MEI4: variants seen among roughly 807,000 people sequenced by gnomAD.
MEI4 encodes meiotic double-stranded break formation protein 4.
Under a neutral mutation model 31.4 loss-of-function variants are expected in MEI4, and 27 were observed. The ratio of observed to expected loss-of-function variants is 0.86; its 90% CI spans 0.63 to 1.19. MEI4 has a LOEUF of 1.19. MEI4 is among the 50% of genes most tolerant of loss of function. The probability of loss-of-function intolerance (pLI) is 0.00; values close to 1 mark genes in which losing one functional copy is unlikely to be tolerated. For synonymous variants in MEI4, 122 were observed against 145.4 expected, an observed-to-expected ratio of 0.84 and a Z score of 1.16; for missense variants, 329 against 398.9, an observed-to-expected ratio of 0.82 and a Z score of 1.49.
At chr6:77,698,342 G>T (rs1475332653) in intron 2 of MEI4, among the ~76,000 whole-genome samples, 2 of 152,182 alleles carry the variant, frequency 1.3e-5, no homozygotes, top group Non-Finnish European at 2.9e-5. Context: ...CTCGTTAGTT[G>T]ATGCAGTTTC....
chr6:77,899,880 T>C (rs1167758637), intron 4 of MEI4, among the ~76,000 whole-genome samples: 1 of 151,880 alleles, frequency 6.6e-6, no homozygotes, highest in Non-Finnish European at 1.5e-5. Flanking sequence ...AACATGGGTG[T>C]GTAGATGTCT....
At chr6:77,711,270 AG>A (rs889077810) in intron 2 of MEI4, among the ~76,000 whole-genome samples, 19 of 152,242 alleles carry the variant, frequency 1.2e-4, no homozygotes, top group South Asian at 6.2e-4. Flanking sequence ...TAAGTATGTG[AG>A]GTGATATATA....
At chr6:77,919,165 A>T (rs1382580138) in intron 4 of MEI4, among the ~76,000 whole-genome samples, 1 of 151,980 alleles carries the variant, frequency 6.6e-6, no homozygotes, top group African/African-American at 2.4e-5. Flanking sequence ...ACATCTACAG[A>T]ACTCTCCACC....
chr6:77,866,915 G>T (rs1459532573), intron 4 of MEI4, among the ~76,000 whole-genome samples: 2 of 152,126 alleles, frequency 1.3e-5, no homozygotes, highest in Non-Finnish European at 2.9e-5. Context: ...CAGAAATAAT[G>T]CCGCATATCT....
chr6:77,694,604 A>G (rs1224566098), intron 2 of MEI4, among the ~76,000 whole-genome samples: 3 of 152,084 alleles, frequency 2.0e-5, no homozygotes, highest in Non-Finnish European at 4.4e-5. Context: ...ATCATTTTTT[A>G]TGGCTGCATA....
chr6:77,747,520 CTCATGAGAACCCACTTAGTG>C (rs1767647423), intron 2 of MEI4, among the ~76,000 whole-genome samples: 1 of 152,076 alleles, frequency 6.6e-6, no homozygotes. Context: ...ACCATCAGAT[CTCATGAGAACCCACTTAGTG>C]TCATGAGAAC....
At chr6:77,871,346 A>G (rs1771185915) in intron 4 of MEI4, among the ~76,000 whole-genome samples, 1 of 152,242 alleles carries the variant, frequency 6.6e-6, no homozygotes, top group Non-Finnish European at 1.5e-5. Context: ...AAATATAATC[A>G]TGCTTTAAAT....
At chr6:77,831,604 C>A (rs933827373) in intron 4 of MEI4, among the ~76,000 whole-genome samples, 8 of 151,406 alleles carry the variant, frequency 5.3e-5, no homozygotes, top group African/African-American at 1.9e-4. Context: ...TCATCATTTG[C>A]AGAGCATGGA....
intron 3 of MEI4, among the ~76,000 whole-genome samples, chr6:77,762,664 T>G (rs976060963): frequency 1.3e-5 from 2 of 152,208 alleles, no homozygotes; most frequent in Non-Finnish European, 2.9e-5. Flanking sequence ...TTCAAAATTT[T>G]GAATAAAATT....
intron 2 of MEI4, among the ~76,000 whole-genome samples, chr6:77,710,520 C>CAA (rs1198470708): frequency 0.01 from 585 of 57,292 alleles, 11 homozygotes; most frequent in African/African-American, 0.038. Context: ...GACTCCATCT[C>CAA]AAAAAAAAAA....
Position 77,774,963 on chromosome 6 carries a change from T to A in MEI4, c.768+13298T>A, listed in dbSNP as rs146398848. Among the ~76,000 whole-genome samples the A allele has an allele frequency of 6.4e-4, 97 of 152,178 alleles. 1 individual carries two copies. In the East Asian group the frequency reaches 0.015, roughly 24 times the overall value. ...ATCTTCCTGTAGCATGAAAGGAGAA[T>A]CTTTCCTTGCCTCTTAACATCTTTT... On this transcript the variant is annotated intron_variant, in intron 3 of 4. Transcript: ENST00000684080.
At chr6:77,736,097 C>T (rs569941703) in intron 2 of MEI4, among the ~76,000 whole-genome samples, 71 of 152,214 alleles carry the variant, frequency 4.7e-4, no homozygotes, top group Admixed American at 8.5e-4. Context: ...TTTGTCTGTG[C>T]CCTGCCCCCA....
intron 2 of MEI4, among the ~76,000 whole-genome samples, chr6:77,733,070 A>G (rs1245304226): frequency 6.6e-6 from 1 of 151,828 alleles, no homozygotes. Flanking sequence ...TTCATCAAGG[A>G]TATTGATCTA....
At chr6:77,893,328 C>A (rs1174475169) in intron 4 of MEI4, among the ~76,000 whole-genome samples, 2 of 152,136 alleles carry the variant, frequency 1.3e-5, no homozygotes, top group Non-Finnish European at 2.9e-5. Flanking sequence ...ATTTTCCGTG[C>A]ATTTAAGCTA....
intron 4 of MEI4, among the ~76,000 whole-genome samples, chr6:77,915,986 G>T (rs1374561325): frequency 6.6e-6 from 1 of 151,644 alleles, no homozygotes; most frequent in Non-Finnish European, 1.5e-5. Context: ...GTCTGACTGG[G>T]TTGTTTCAAA....
At chr6:77,759,362 A>G (rs575284342) in intron 2 of MEI4, among the ~76,000 whole-genome samples, 3 of 151,836 alleles carry the variant, frequency 2.0e-5, no homozygotes, top group Admixed American at 1.3e-4. Flanking sequence ...TCATTTTTAT[A>G]GTTTCTGCTA....
intron 3 of MEI4, among the ~76,000 whole-genome samples, chr6:77,763,138 G>A (rs562998667): frequency 1.3e-5 from 2 of 152,036 alleles, no homozygotes; most frequent in Non-Finnish European, 2.9e-5. Context: ...CTTGGGAATT[G>A]TATGGAAGGA....
chr6:77,899,718 C>T (rs1298491883), intron 4 of MEI4, among the ~76,000 whole-genome samples: 1 of 152,016 alleles, frequency 6.6e-6, no homozygotes, highest in Non-Finnish European at 1.5e-5. Context: ...ATCCATGTTG[C>T]CATAAATGTT....
intron 3 of MEI4, among the ~76,000 whole-genome samples, chr6:77,783,201 T>C (rs1048284962): frequency 6.6e-6 from 1 of 152,182 alleles, no homozygotes; most frequent in East Asian, 1.9e-4. Flanking sequence ...TTTAGGTTTA[T>C]CTAAGAGAAA....
Sources: allele counts gnomAD v4.1 joint callset (sites outside exome capture counted in the v4.1 genomes callset), GRCh38; gene constraint gnomAD v4.1.1; transcripts MANE v1.5; gene names NCBI Gene and HGNC (gene_info 2026-07-23, HGNC 2026-07-21).